The following FOCAD variants were observed in gnomAD, a reference collection of about 807,000 sequenced individuals.
The protein encoded by FOCAD is KIAA1797.
A neutral mutation model predicts 225.6 loss-of-function variants in FOCAD; 198 were observed. The observed-to-expected ratio is 0.88, with a 90% CI of 0.78 to 0.99. The LOEUF (loss-of-function observed/expected upper bound fraction) is 0.99. Ranked by LOEUF, FOCAD falls within the 50% of genes least tolerant of loss-of-function variation. The pLI, the probability that FOCAD is intolerant of heterozygous loss-of-function variation, is 0.00. For missense variants in FOCAD, 2,713 were observed against 2,123.6 expected, an observed-to-expected ratio of 1.28 and a Z score of -5.46; for synonymous variants, 897 against 755.0, an observed-to-expected ratio of 1.19 and a Z score of -3.08.
At chr9:20,782,527 T>A (rs939644389) in intron 10 of FOCAD, among the ~76,000 whole-genome samples, 1 of 152,244 alleles carries the variant, frequency 6.6e-6, no homozygotes, top group African/African-American at 2.4e-5. Context: ...CTTTTCCTGT[T>A]ACAATAACGT....
intron 18 of FOCAD, among the ~76,000 whole-genome samples, chr9:20,870,177 G>T (rs980249077): frequency 2.0e-5 from 3 of 152,076 alleles, no homozygotes; most frequent in Admixed American, 1.3e-4. Flanking sequence ...GATTTCTAGG[G>T]TTAATTTTAG....
At chr9:20,794,368 A>T (rs1380688636) in intron 11 of FOCAD, among the ~76,000 whole-genome samples, 4 of 152,222 alleles carry the variant, frequency 2.6e-5, no homozygotes, top group Non-Finnish European at 5.9e-5. Context: ...TGGAGATTAG[A>T]TTAGTGATTT....
chr9:20,764,975 G>C lies in FOCAD; in HGVS notation c.601G>C (p.Val201Leu). 1.2e-6 allele frequency: 2 copies of C among 1,614,130 alleles called. No individual in the cohort carries two copies. Among genetic ancestry groups the C allele is most frequent in the Non-Finnish European group, 1.7e-6 (2 of 1,180,012 alleles). ...TAAACTCCGACTAGCCCTGCTGAAA[G>C]TCTTACTTCAACCCCAGGTTCTTTG... is the stretch of plus-strand genomic sequence containing the variant. ...YAKLRLALLK[V>L]LLQPQVLCDK... Residue 201 changes from valine (V) to leucine (L), a missense_variant, in exon 7 of 44, where the codon GTC becomes CTC. Val to Leu is a conservative substitution (Grantham distance 32). Transcript: ENST00000338382.
chr9:20,808,405 G>A lies in FOCAD; in HGVS notation c.1456-11391G>A, dbSNP rs116874799. Among the ~76,000 whole-genome samples the A allele has an allele frequency of 1.7e-3, 264 of 152,334 alleles. 3 individuals are homozygous for A. The East Asian group carries it at 0.043, about 25-fold the overall frequency. On this transcript the variant is annotated intron_variant, in intron 11 of 43. Coordinates refer to ENST00000338382, the MANE Select transcript of FOCAD (RefSeq NM_001375567.1). The stretch of plus-strand genomic sequence containing the variant: ...GTAAGGCATTCACAGGCTAGTGTGT[G>A]TGAGAATGAATAACTGTGACCCTAA...
At chr9:20,692,617 C>G (rs529035713) in intron 1 of FOCAD, among the ~76,000 whole-genome samples, 2 of 152,122 alleles carry the variant, frequency 1.3e-5, no homozygotes, top group Non-Finnish European at 2.9e-5. Flanking sequence ...ATGTAGTGAT[C>G]GGCACTGGTA....
Position 20,843,022 on chromosome 9 carries a change from C to CT in FOCAD, c.1921-19551dup, listed in dbSNP as rs572413633. Among the ~76,000 whole-genome samples, 4 of 151,902 alleles carry CT rather than the reference C, an allele frequency of 2.6e-5. No individual in the cohort carries two copies. In the South Asian group the frequency reaches 8.3e-4, roughly 32 times the overall value. On this transcript the variant is annotated intron_variant, in intron 15 of 43. Transcript: ENST00000338382. ...CTACACTTTAACTTCATCCTTTATG[C>CT]TTTTTATCTTTTTGTTGTTTCTATT...
rs1399760736 is a variant in FOCAD at position 20,702,241 on chromosome 9, T to A, written c.-32-13081T>A. On this transcript the variant is annotated intron_variant, in intron 1 of 43. Transcript: ENST00000338382. The stretch of plus-strand genomic sequence containing the variant: ...CTGCAGCCTCCTGGGTAGCTAGGAC[T>A]AAAGGCATGTACCACCATGCCCAGC... Among the ~76,000 whole-genome samples, 6 of 152,180 alleles carry A rather than the reference T, an allele frequency of 3.9e-5. No individual in the cohort carries two copies. The East Asian group carries it at 1.2e-3, about 29-fold the overall frequency.
At chr9:20,830,307 C>G (rs1587333435) in intron 15 of FOCAD, among the ~76,000 whole-genome samples, 1 of 151,914 alleles carries the variant, frequency 6.6e-6, no homozygotes, top group South Asian at 2.1e-4. Flanking sequence ...ATGTTTTGAG[C>G]TAAAATATAT....
chr9:20,854,404 A>G (rs956691028), intron 15 of FOCAD, among the ~76,000 whole-genome samples: 19 of 151,744 alleles, frequency 1.3e-4, no homozygotes, highest in Non-Finnish European at 1.9e-4. Flanking sequence ...TGTGCTGTAC[A>G]TAGAGCAGGT....
intron 31 of FOCAD, 88 bp from the exon 32 acceptor site, chr9:20,948,763 A>G (rs528276507): frequency 4.2e-4 from 606 of 1,433,072 alleles, no homozygotes; most frequent in Non-Finnish European, 5.7e-4. Context: ...CAATTCGACC[A>G]TTTATTTCTC....
At chr9:20,766,494 A>AT (rs1830062436) in intron 7 of FOCAD, among the ~76,000 whole-genome samples, 1 of 151,826 alleles carries the variant, frequency 6.6e-6, no homozygotes, top group African/African-American at 2.4e-5. Flanking sequence ...CAAGGCAACC[A>AT]TTTTTTTTAG....
At chr9:20,727,859 A>T (rs576132156) in intron 4 of FOCAD, among the ~76,000 whole-genome samples, 1 of 152,284 alleles carries the variant, frequency 6.6e-6, no homozygotes, top group East Asian at 1.9e-4. Context: ...TTCAACCCAA[A>T]CCCAAACCCT....
At chr9:20,942,868 T>C (rs1159916452) in intron 28 of FOCAD, among the ~76,000 whole-genome samples, 1 of 152,228 alleles carries the variant, frequency 6.6e-6, no homozygotes, top group Non-Finnish European at 1.5e-5. Context: ...CACAGGGTGC[T>C]GTGGGAGAGT....
intron 19 of FOCAD, chr9:20,875,032 G>C: frequency 8.0e-6 from 4 of 501,830 alleles, no homozygotes; most frequent in Non-Finnish European, 1.0e-5. Flanking sequence ...AAGAAAACTA[G>C]TGTAAACAAT....
chr9:20,932,420 C>A (rs1835570604), intron 27 of FOCAD, among the ~76,000 whole-genome samples: 1 of 152,066 alleles, frequency 6.6e-6, no homozygotes. Flanking sequence ...AACCATAGAA[C>A]CTTTTAAGTT....
intron 15 of FOCAD, among the ~76,000 whole-genome samples, chr9:20,848,425 C>T (rs1022571933): frequency 8.6e-5 from 13 of 151,962 alleles, no homozygotes; most frequent in African/African-American, 2.9e-4. Flanking sequence ...AGTTTTTACA[C>T]AGAAAGGTGG....
At chr9:20,857,754 T>C (rs1435684199) in intron 15 of FOCAD, among the ~76,000 whole-genome samples, 2 of 150,084 alleles carry the variant, frequency 1.3e-5, no homozygotes, top group Non-Finnish European at 3.0e-5. Context: ...TTAAGGTATG[T>C]TCTTTCTATA....
At chr9:20,724,086 G>T (rs748591448) in intron 4 of FOCAD, among the ~76,000 whole-genome samples, 1 of 152,074 alleles carries the variant, frequency 6.6e-6, no homozygotes, top group Non-Finnish European at 1.5e-5. Flanking sequence ...CATTCATAAG[G>T]GATCTGCCTC....
At chr9:20,819,921 A>G in intron 12 of FOCAD, 21 bp downstream of exon 12, 2 of 1,396,380 alleles carry the variant, frequency 1.4e-6, no homozygotes, top group Non-Finnish European at 2.0e-6. Context: ...TAATTAATTT[A>G]GTTGGCGAAA....
Sources: allele counts gnomAD v4.1 joint callset (sites outside exome capture counted in the v4.1 genomes callset), GRCh38; gene constraint gnomAD v4.1.1; transcripts MANE v1.5; gene names NCBI Gene and HGNC (gene_info 2026-07-23, HGNC 2026-07-21).